Variants in CYP2J2 observed in about 807,000 individuals in gnomAD.
The protein encoded by CYP2J2 is cytochrome P450 family 2 subfamily J member 2, also known as cytochrome P450 2J2.
Under a neutral mutation model 48.8 loss-of-function variants are expected in CYP2J2, and 41 were observed. The ratio of observed to expected loss-of-function variants is 0.84; its 90% CI spans 0.66 to 1.09. CYP2J2 has a LOEUF of 1.09. Ranked by LOEUF, CYP2J2 falls within the 50% of genes least tolerant of loss-of-function variation. The probability of loss-of-function intolerance (pLI) is 0.00; values close to 1 mark genes in which losing one functional copy is unlikely to be tolerated. For synonymous variants in CYP2J2, 221 were observed against 227.1 expected, an observed-to-expected ratio of 0.97 and a Z score of 0.24; for missense variants, 644 against 617.3, an observed-to-expected ratio of 1.04 and a Z score of -0.46.
At chr1:59,908,589 A>G (rs942876739) in intron 5 of CYP2J2, among the ~76,000 whole-genome samples, 6 of 152,194 alleles carry the variant, frequency 3.9e-5, no homozygotes, top group African/African-American at 1.4e-4. Flanking sequence ...TCTTAATGTT[A>G]ATGATCCCTT....
intron 2 of CYP2J2, chr1:59,912,711 C>T (rs1314964939): frequency 5.8e-6 from 1 of 171,330 alleles, no homozygotes; most frequent in African/African-American, 2.4e-5. Context: ...AAAGCCCATG[C>T]TTTGATTATT....
the CYP2J2 span, among the ~76,000 whole-genome samples, chr1:59,944,612 G>A: frequency 1.3e-5 from 2 of 152,164 alleles, no homozygotes; most frequent in Admixed American, 1.3e-4. Context: ...CGATAAATAT[G>A]ACTGGATTTC....
chr1:59,925,258 A>G (rs1644554200), intron 1 of CYP2J2, among the ~76,000 whole-genome samples: 1 of 152,194 alleles, frequency 6.6e-6, no homozygotes, highest in African/African-American at 2.4e-5. Context: ...CAAGTCAACA[A>G]GGATATAGGC....
chr1:59,962,082 T>C, the CYP2J2 span, among the ~76,000 whole-genome samples: 4 of 152,104 alleles, frequency 2.6e-5, no homozygotes, highest in Non-Finnish European at 5.9e-5. Context: ...CCAAAAACAT[T>C]TAATTGTATA....
intron 5 of CYP2J2, among the ~76,000 whole-genome samples, chr1:59,909,471 G>C (rs1220970265): frequency 6.6e-6 from 1 of 152,214 alleles, no homozygotes; most frequent in Non-Finnish European, 1.5e-5. Context: ...GAGAAGAGAA[G>C]ATGCTGTGCT....
chr1:59,925,420 T>C (rs1413025970), intron 1 of CYP2J2, among the ~76,000 whole-genome samples: 3 of 152,204 alleles, frequency 2.0e-5, no homozygotes, highest in Non-Finnish European at 4.4e-5. Context: ...ATAGACTATA[T>C]CTTGTGTCAT....
At chr1:59,894,029 C>G (rs188007250) in intron 8 of CYP2J2, among the ~76,000 whole-genome samples, 200 bp from the exon 9 acceptor site, 139 of 152,186 alleles carry the variant, frequency 9.1e-4, no homozygotes, top group African/African-American at 3.2e-3. Flanking sequence ...TCCAGGAACA[C>G]GAAGTCAAAT....
At chr1:59,910,570 A>T (rs1644404289) in intron 4 of CYP2J2, among the ~76,000 whole-genome samples, 1 of 152,206 alleles carries the variant, frequency 6.6e-6, no homozygotes, top group Non-Finnish European at 1.5e-5. Context: ...AAATTTTGAT[A>T]ATGGCATACT....
At chr1:59,930,235 A>C (rs1644596718), upstream of CYP2J2, among the ~76,000 whole-genome samples, 1 of 152,144 alleles carries the variant, frequency 6.6e-6, no homozygotes, top group African/African-American at 2.4e-5. Context: ...TATCTCTGAG[A>C]TTCTGCTTTC....
the CYP2J2 span, among the ~76,000 whole-genome samples, chr1:59,966,045 T>C: frequency 1.3e-5 from 2 of 152,300 alleles, no homozygotes; most frequent in South Asian, 2.1e-4. Context: ...TTGTCCTTAG[T>C]GTGTGGCAGG....
chr1:59,961,732 T>C, the CYP2J2 span, among the ~76,000 whole-genome samples: 2 of 152,126 alleles, frequency 1.3e-5, no homozygotes, highest in African/African-American at 4.8e-5. Context: ...ATCCATCCAC[T>C]AATGTGGATA....
At chr1:59,909,523 C>T (rs942405712) in intron 5 of CYP2J2, among the ~76,000 whole-genome samples, 1 of 152,160 alleles carries the variant, frequency 6.6e-6, no homozygotes, top group African/African-American at 2.4e-5. Context: ...GGCCAAGGGA[C>T]ATAGGCGGCT....
chr1:59,919,408 G>A (rs1438999971), intron 1 of CYP2J2, among the ~76,000 whole-genome samples: 4 of 152,138 alleles, frequency 2.6e-5, no homozygotes, highest in South Asian at 2.1e-4. Flanking sequence ...TAGAGGTACC[G>A]CTGAGTGTAT....
At chr1:59,948,720 G>GTTGT in the CYP2J2 span, among the ~76,000 whole-genome samples, 1 of 152,172 alleles carries the variant, frequency 6.6e-6, no homozygotes, top group Non-Finnish European at 1.5e-5. Context: ...TAAACCCTGT[G>GTTGT]TTGTTCTACC....
chr1:59,943,045 G>A, the CYP2J2 span, among the ~76,000 whole-genome samples: 1 of 152,142 alleles, frequency 6.6e-6, no homozygotes, highest in South Asian at 2.1e-4. Flanking sequence ...AAAATGAAAG[G>A]AGAACAGGTT....
chr1:59,950,622 C>G, the CYP2J2 span, among the ~76,000 whole-genome samples: 1 of 152,162 alleles, frequency 6.6e-6, no homozygotes, highest in Non-Finnish European at 1.5e-5. Context: ...TTAAATCACC[C>G]CCGACCATAG....
At chr1:59,927,262 G>A (rs1644575429), upstream of CYP2J2, among the ~76,000 whole-genome samples, 1 of 152,180 alleles carries the variant, frequency 6.6e-6, no homozygotes, top group South Asian at 2.1e-4. Flanking sequence ...ACATCTAAAC[G>A]AGGTCCTGTA....
the CYP2J2 span, among the ~76,000 whole-genome samples, chr1:59,959,535 TAAAG>T: frequency 6.6e-6 from 1 of 151,900 alleles, no homozygotes; most frequent in East Asian, 1.9e-4. Flanking sequence ...AATAAGTGGA[TAAAG>T]AAAATGTGAG....
chr1:59,967,821 T>C, the CYP2J2 span, among the ~76,000 whole-genome samples: 7 of 152,232 alleles, frequency 4.6e-5, no homozygotes, highest in African/African-American at 1.4e-4. Context: ...AATAAAATTG[T>C]TTTATTTATA....
Sources: allele counts gnomAD v4.1 joint callset (sites outside exome capture counted in the v4.1 genomes callset), GRCh38; gene constraint gnomAD v4.1.1; transcripts MANE v1.5; gene names NCBI Gene and HGNC (gene_info 2026-07-23, HGNC 2026-07-21).